Variants in SLC10A7 observed in about 807,000 individuals in gnomAD.
The protein encoded by SLC10A7 is solute carrier family 10 member 7.
SLC10A7 carries 29 observed loss-of-function variants against 43.2 expected under a neutral mutation model. The ratio of observed to expected loss-of-function variants is 0.67; its 90% confidence interval spans 0.50 to 0.92. The LOEUF (loss-of-function observed/expected upper bound fraction) is 0.92, where lower values mean the gene tolerates loss of function less well. SLC10A7 is among the 40% of genes least tolerant of loss of function. The pLI is 0.00. For synonymous variants in SLC10A7, 152 were observed against 144.8 expected (o/e 1.05, Z -0.35); for missense variants, 295 against 403.2 (o/e 0.73, Z 2.30).
chr4:146,347,325 C>G (rs1181919418), intron 5 of SLC10A7, among the ~76,000 whole-genome samples: 1 of 152,138 alleles, frequency 6.6e-6, no homozygotes, highest in Non-Finnish European at 1.5e-5. Flanking sequence ...TATCTACCAG[C>G]CTTCTCATCT....
At chr4:146,393,217 A>AG (rs1206038818) in intron 5 of SLC10A7, among the ~76,000 whole-genome samples, 1 of 151,392 alleles carries the variant, frequency 6.6e-6, no homozygotes, top group Admixed American at 6.6e-5. Flanking sequence ...AAAAAAAAAA[A>AG]AAAGTCAATT....
chr4:146,481,465 T>C (rs1734468635), intron 4 of SLC10A7, among the ~76,000 whole-genome samples: 2 of 152,188 alleles, frequency 1.3e-5, no homozygotes, highest in African/African-American at 4.8e-5. Context: ...TGTTCTACCA[T>C]TTCGGGGTCC....
At chr4:146,511,969 C>CTTTTTTTTTTTTTTTTTTTTTTTTTTTT (rs765683134) in intron 2 of SLC10A7, among the ~76,000 whole-genome samples, 1 of 98,846 alleles carries the variant, frequency 1.0e-5, no homozygotes, top group African/African-American at 4.0e-5. Context: ...TGCATATACT[C>CTTTTTTTTTTTTTTTTTTTTTTTTTTTT]TTTTTTTTTT....
intron 4 of SLC10A7, among the ~76,000 whole-genome samples, chr4:146,499,042 A>T (rs1366897506): frequency 1.3e-5 from 2 of 152,244 alleles, no homozygotes; most frequent in African/African-American, 4.8e-5. Context: ...CCAAATCATT[A>T]AAAACAAATA....
intron 5 of SLC10A7, among the ~76,000 whole-genome samples, chr4:146,361,315 AAC>A (rs1437251825): frequency 6.6e-6 from 1 of 152,216 alleles, no homozygotes; most frequent in Non-Finnish European, 1.5e-5. Context: ...TGAGAAATAT[AAC>A]AGATAATCAA....
At chr4:146,451,240 A>AAAC (rs1731571092) in intron 4 of SLC10A7, among the ~76,000 whole-genome samples, 2 of 148,100 alleles carry the variant, frequency 1.4e-5, no homozygotes, top group Admixed American at 6.7e-5. Flanking sequence ...CCAAAAAAAA[A>AAAC]AAAAAAAAAA....
chr4:146,497,036 T>C (rs530567876), intron 4 of SLC10A7, among the ~76,000 whole-genome samples: 1 of 152,228 alleles, frequency 6.6e-6, no homozygotes, highest in Non-Finnish European at 1.5e-5. Context: ...ACACCCTTTT[T>C]ATAGCTACGA....
intron 10 of SLC10A7, among the ~76,000 whole-genome samples, chr4:146,263,545 T>C (rs73855119): frequency 0.012 from 1,795 of 152,318 alleles, 48 homozygotes; most frequent in East Asian, 0.084. Context: ...CCTTTTAAAG[T>C]AAAATTTAAA....
chr4:146,337,611 AC>A (rs1733979856), intron 5 of SLC10A7, among the ~76,000 whole-genome samples: 1 of 152,042 alleles, frequency 6.6e-6, no homozygotes, highest in Non-Finnish European at 1.5e-5. Flanking sequence ...TATATTATGT[AC>A]TAGGAACTGT....
intron 2 of SLC10A7, among the ~76,000 whole-genome samples, chr4:146,511,180 C>T (rs756831493): frequency 1.3e-5 from 2 of 152,090 alleles, no homozygotes; most frequent in Non-Finnish European, 2.9e-5. Context: ...GCACATTAAA[C>T]ATAAGAAACC....
At chr4:146,461,811 A>AGAGT (rs1732562601) in intron 4 of SLC10A7, among the ~76,000 whole-genome samples, 1 of 139,186 alleles carries the variant, frequency 7.2e-6, no homozygotes, top group Non-Finnish European at 1.5e-5. Flanking sequence ...GCTTAAAAGG[A>AGAGT]GAGTGACCAG....
chr4:146,477,416 T>A (rs1164575640), intron 4 of SLC10A7, among the ~76,000 whole-genome samples: 4 of 152,236 alleles, frequency 2.6e-5, no homozygotes, highest in Non-Finnish European at 5.9e-5. Context: ...GATACTCTCA[T>A]CTAGAGGCTA....
chr4:146,410,853 A>G (rs1728136375), intron 5 of SLC10A7, among the ~76,000 whole-genome samples: 1 of 152,052 alleles, frequency 6.6e-6, no homozygotes, highest in African/African-American at 2.4e-5. Context: ...ATTTATTTTG[A>G]GACAGAGTCT....
chr4:146,364,029 C>T (rs1736228786), intron 5 of SLC10A7, among the ~76,000 whole-genome samples: 1 of 151,628 alleles, frequency 6.6e-6, no homozygotes. Context: ...AAAATAGAGA[C>T]TAAAAAGTAC....
At chr4:146,294,634 G>A (rs1730658578) in intron 7 of SLC10A7, among the ~76,000 whole-genome samples, 1 of 152,228 alleles carries the variant, frequency 6.6e-6, no homozygotes, top group Admixed American at 6.5e-5. Flanking sequence ...AAAAGTGCAT[G>A]TGTTGTGGGA....
intron 10 of SLC10A7, among the ~76,000 whole-genome samples, chr4:146,265,314 G>A (rs956733507): frequency 6.6e-6 from 1 of 152,212 alleles, no homozygotes; most frequent in Admixed American, 6.5e-5. Flanking sequence ...TGTGTTAACT[G>A]CATTAAACCA....
Position 146,284,698 on chromosome 4 carries a change from T to C in SLC10A7, c.774-1433A>G, listed in dbSNP as rs189829413. 1.3e-4 allele frequency among the ~76,000 whole-genome samples: 20 copies of C among 152,332 alleles called. No individual in the cohort carries two copies. The East Asian group carries it at 2.5e-3, about 19-fold the overall frequency. On this transcript the variant is annotated intron_variant, in intron 9 of 11. Transcript: ENST00000335472. ...ATTGAGTATAATAAGACTGGCTTAA[T>C]TGTTTCTACATTTTATTCTCATATT...
At chr4:146,306,048 T>G (rs1225673606) in intron 6 of SLC10A7, 39 bp from the exon 7 acceptor site, 1 of 1,512,728 alleles carries the variant, frequency 6.6e-7, no homozygotes, top group Non-Finnish European at 9.0e-7. Flanking sequence ...TTACTTCAAA[T>G]CAGTTATCAA....
intron 9 of SLC10A7, among the ~76,000 whole-genome samples, chr4:146,288,764 A>G (rs1016939643): frequency 1.1e-4 from 16 of 152,244 alleles, no homozygotes; most frequent in Non-Finnish European, 2.4e-4. Context: ...ATTACTATTT[A>G]TTTTCTAACT....
Sources: allele counts gnomAD v4.1 joint callset (sites outside exome capture counted in the v4.1 genomes callset), GRCh38; gene constraint gnomAD v4.1.1; transcripts MANE v1.5; gene names NCBI Gene and HGNC (gene_info 2026-07-23, HGNC 2026-07-21).